Variants in CRYM observed in about 807,000 individuals in gnomAD.
CRYM encodes ketimine reductase mu-crystallin.
A neutral mutation model predicts 32.9 loss-of-function variants in CRYM; 18 were observed. The observed-to-expected ratio is 0.55, with a 90% CI of 0.38 to 0.81. The LOEUF (loss-of-function observed/expected upper bound fraction) is 0.81, where lower values mean the gene tolerates loss of function less well. Ranked by LOEUF, CRYM falls within the 30% of genes least tolerant of loss-of-function variation. The probability of loss-of-function intolerance (pLI) is 0.00; values close to 1 mark genes in which losing one functional copy is unlikely to be tolerated. For missense variants in CRYM, 337 were observed against 393.5 expected (o/e 0.86, Z 1.21); for synonymous variants, 153 against 152.4 (o/e 1.00, Z -0.03).
chr16:21,299,819 TCA>T (rs1475470458), intron 1 of CRYM: 1 of 152,232 alleles, frequency 6.6e-6, no homozygotes, highest in Non-Finnish European at 1.5e-5. Context: ...ATCCACCCCT[TCA>T]AGTATATAGT....
chr16:21,279,473 G>A (rs1333952396), upstream of CRYM, among the ~76,000 whole-genome samples: 1 of 152,200 alleles, frequency 6.6e-6, no homozygotes, highest in Admixed American at 6.5e-5. Flanking sequence ...GAATAGCTCT[G>A]GGAACAGTGA....
At chr16:21,273,430 G>C (rs1389385242) in intron 3 of CRYM, among the ~76,000 whole-genome samples, 1 of 152,136 alleles carries the variant, frequency 6.6e-6, no homozygotes, top group Non-Finnish European at 1.5e-5. Flanking sequence ...TCAACCCAAG[G>C]CTTCTTGATT....
chr16:21,278,228 C>G lies in CRYM; in HGVS notation c.24G>C (p.Leu8=), dbSNP rs2093391502. The G allele has an allele frequency of 6.3e-7, 1 of 1,578,596 alleles. No homozygotes were observed. Among genetic ancestry groups the G allele is most frequent in the East Asian group, 2.4e-5 (1 of 42,428 alleles). Residue 8 remains leucine (L), a synonymous_variant, in exon 1 of 8, where the codon CTG becomes CTC. Coordinates refer to ENST00000572914, the MANE Select transcript of CRYM (RefSeq NM_001376256.1). The stretch of plus-strand genomic sequence containing the variant: ...GGTGTTCCTCCACCTCGGCCGCGCT[C>G]AGGAACGCTGGTACCCGGCTCATCT... MSRVPAF[L]SAAEVEEHLR...
intron 1 of CRYM, among the ~76,000 whole-genome samples, chr16:21,298,179 C>T (rs1223002924): frequency 1.3e-5 from 2 of 152,122 alleles, no homozygotes; most frequent in South Asian, 4.1e-4. Flanking sequence ...CCAGCCTTTC[C>T]TTATGTGAAG....
At position 21,267,576 on chromosome 16, in the gene CRYM, CA is replaced by C; in HGVS notation, c.650del (p.Val217GlyfsTer25). On this transcript the variant is annotated frameshift_variant, in exon 5 of 8. Coordinates refer to ENST00000572914, the MANE Select transcript of CRYM (RefSeq NM_001376256.1). LOFTEE classifies it high-confidence loss of function. Reference sequence around the variant, plus strand: ...TACCATTGATGTGAGCCCCTGGCTTCACCCATTCACCAAACAAAATGGGCTC... The same window carrying C: ...TACCATTGATGTGAGCCCCTGGCTTCCCCATTCACCAAACAAAATGGGCTC... ...ATEPILFGEW[V>X]KPGAHINAVG... The C allele has an allele frequency of 6.2e-7, 1 of 1,613,998 alleles. No individual in the cohort carries two copies. Among genetic ancestry groups the C allele is most frequent in the Non-Finnish European group, 8.5e-7 (1 of 1,180,030 alleles).
intron 7 of CRYM, among the ~76,000 whole-genome samples, chr16:21,259,706 A>T (rs1436864134): frequency 1.3e-5 from 2 of 152,170 alleles, no homozygotes; most frequent in Non-Finnish European, 2.9e-5. Flanking sequence ...TGGCCCCAGG[A>T]CTGTAGTTTT....
chr16:21,292,712 A>G (rs1960689786), intron 1 of CRYM, among the ~76,000 whole-genome samples: 1 of 151,012 alleles, frequency 6.6e-6, no homozygotes, highest in South Asian at 2.1e-4. Flanking sequence ...TAACATAAGT[A>G]GAGACATAGA....
At chr16:21,263,396 A>G (rs2093358146) in intron 5 of CRYM, among the ~76,000 whole-genome samples, 1 of 152,022 alleles carries the variant, frequency 6.6e-6, no homozygotes, top group Admixed American at 6.6e-5. Context: ...GTGAGACTCC[A>G]TCTCAAAAAA....
chr16:21,276,045 T>A (rs1006992339), intron 2 of CRYM, among the ~76,000 whole-genome samples: 1 of 152,178 alleles, frequency 6.6e-6, no homozygotes, highest in Non-Finnish European at 1.5e-5. Context: ...GAAAGCTTCG[T>A]GAAGATGCTC....
upstream of CRYM, chr16:21,278,330 C>A: frequency 1.3e-6 from 2 of 1,515,386 alleles, no homozygotes; most frequent in Non-Finnish European, 1.8e-6. Flanking sequence ...TGAGCGCGCC[C>A]GCTGCTCTGT....
chr16:21,265,865 T>C (rs2093362837), intron 5 of CRYM, among the ~76,000 whole-genome samples: 1 of 152,214 alleles, frequency 6.6e-6, no homozygotes, highest in Admixed American at 6.5e-5. Flanking sequence ...ATCATGAGTA[T>C]CATTTAAAGC....
intron 1 of CRYM, among the ~76,000 whole-genome samples, chr16:21,287,186 A>G (rs531144632): frequency 6.6e-6 from 1 of 152,378 alleles, no homozygotes; most frequent in Non-Finnish European, 1.5e-5. Flanking sequence ...TCATCAAAAT[A>G]GAATCACTGG....
chr16:21,273,674 C>G (rs965662563), intron 3 of CRYM, among the ~76,000 whole-genome samples: 1 of 152,204 alleles, frequency 6.6e-6, no homozygotes, highest in Non-Finnish European at 1.5e-5. Flanking sequence ...CCGCAGGAAC[C>G]TGGTTGTATG....
intron 5 of CRYM, among the ~76,000 whole-genome samples, chr16:21,262,652 T>C (rs1335410723): frequency 6.6e-6 from 1 of 151,928 alleles, no homozygotes; most frequent in African/African-American, 2.4e-5. Flanking sequence ...AAAAACTACC[T>C]ACCATTTTGC....
At chr16:21,261,508 G>A in intron 6 of CRYM, 170 bp from the exon 7 acceptor site, 1 of 638,882 alleles carries the variant, frequency 1.6e-6, no homozygotes, top group Non-Finnish European at 2.8e-6. Flanking sequence ...GGAGGAGGCT[G>A]GCCCCGAAAT....
intron 6 of CRYM, chr16:21,261,616 A>G (rs1342127126): frequency 1.9e-6 from 1 of 532,042 alleles, no homozygotes; most frequent in African/African-American, 1.9e-5. Flanking sequence ...GTCAGTGAGG[A>G]AATAGACATG....
At chr16:21,289,978 T>TAAATGGACCAATCAGCACTCTGTA (rs749161743) in intron 1 of CRYM, among the ~76,000 whole-genome samples, 1 of 151,710 alleles carries the variant, frequency 6.6e-6, no homozygotes, top group Admixed American at 6.6e-5. Flanking sequence ...TAAAGGATTG[T>TAAATGGACCAATCAGCACTCTGTA]AAATGGACCA....
At chr16:21,301,685 G>T (rs533011912) in intron 1 of CRYM, among the ~76,000 whole-genome samples, 1 of 152,182 alleles carries the variant, frequency 6.6e-6, no homozygotes, top group Non-Finnish European at 1.5e-5. Flanking sequence ...CCTGCCTTCC[G>T]CACCGCTGAC....
In CRYM at chr16:21,264,001, A is replaced by T. The variant is rs183481361; in HGVS notation, c.674-1843T>A. On this transcript the variant is annotated intron_variant, in intron 5 of 7. Coordinates refer to ENST00000572914, the MANE Select transcript of CRYM (RefSeq NM_001376256.1). ...AGTTTTAGATTACTCTATGGTCCAA[A>T]CCAAACACATCTGCTGGCTGGATCC... Among the ~76,000 whole-genome samples the T allele has an allele frequency of 2.6e-5, 4 of 152,364 alleles. No individual in the cohort carries two copies. In the East Asian group the frequency reaches 7.7e-4, roughly 29 times the overall value.
Sources: allele counts gnomAD v4.1 joint callset (sites outside exome capture counted in the v4.1 genomes callset), GRCh38; gene constraint gnomAD v4.1.1; transcripts MANE v1.5; gene names NCBI Gene and HGNC (gene_info 2026-07-23, HGNC 2026-07-21).